INPP4B: variants seen among roughly 807,000 people sequenced by gnomAD.
The protein encoded by INPP4B is inositol polyphosphate-4-phosphatase type II B, also known as inositol polyphosphate 4-phosphatase type II.
INPP4B carries 55 observed loss-of-function variants against 122.5 expected under a neutral mutation model. The observed-to-expected ratio is 0.45, with a 90% CI of 0.36 to 0.56. The LOEUF (loss-of-function observed/expected upper bound fraction) is 0.56, where lower values mean the gene tolerates loss of function less well. Ranked by LOEUF, INPP4B falls within the 20% of genes least tolerant of loss-of-function variation. The pLI is 0.00. For missense variants in INPP4B, 1,000 were observed against 1,097.7 expected, an observed-to-expected ratio of 0.91 and a Z score of 1.26; for synonymous variants, 403 against 388.7, an observed-to-expected ratio of 1.04 and a Z score of -0.43.
At chr4:142,648,543 A>G (rs762853528) in intron 2 of INPP4B, among the ~76,000 whole-genome samples, 1 of 152,222 alleles carries the variant, frequency 6.6e-6, no homozygotes, top group Non-Finnish European at 1.5e-5. Context: ...AGTGGGTCCC[A>G]CACCCACGAA....
At chr4:142,045,411 C>G (rs1410697856) in intron 25 of INPP4B, among the ~76,000 whole-genome samples, 2 of 152,196 alleles carry the variant, frequency 1.3e-5, no homozygotes, top group South Asian at 2.1e-4. Flanking sequence ...ATCCAACATA[C>G]TATTTCTGAT....
chr4:142,756,630 T>C (rs889644469), intron 1 of INPP4B, among the ~76,000 whole-genome samples: 9 of 151,956 alleles, frequency 5.9e-5, no homozygotes, highest in Middle Eastern at 3.4e-3. Flanking sequence ...GTATTAGGCA[T>C]ACTAATAGAT....
intron 2 of INPP4B, among the ~76,000 whole-genome samples, chr4:142,678,906 T>C (rs938307769): frequency 6.6e-6 from 1 of 151,928 alleles, no homozygotes; most frequent in African/African-American, 2.4e-5. Flanking sequence ...CTTTCCAAGA[T>C]ACATTAATTT....
intron 2 of INPP4B, among the ~76,000 whole-genome samples, chr4:142,646,205 A>T (rs576899267): frequency 1.3e-5 from 2 of 152,206 alleles, no homozygotes; most frequent in African/African-American, 4.8e-5. Context: ...TGTAAATTAT[A>T]TCTCAATGAA....
At chr4:142,029,062 C>G (rs1486357571) in intron 25 of INPP4B, 148 bp from the exon 26 acceptor site, 1 of 1,401,490 alleles carries the variant, frequency 7.1e-7, no homozygotes, top group Non-Finnish European at 9.2e-7. Context: ...GATGATACAT[C>G]TTACAAAATT....
intron 2 of INPP4B, among the ~76,000 whole-genome samples, chr4:142,477,869 T>C (rs1486648261): frequency 6.6e-6 from 1 of 152,148 alleles, no homozygotes; most frequent in Non-Finnish European, 1.5e-5. Context: ...CTGATACCAT[T>C]TGTAGTGAAA....
Position 142,493,155 on chromosome 4 carries a change from G to A in INPP4B, c.-190-30429C>T, listed in dbSNP as rs536791303. 1.0e-3 allele frequency among the ~76,000 whole-genome samples: 158 copies of A among 152,310 alleles called. 2 individuals carry two copies. The highest frequency in any genetic ancestry group is 3.6e-3 in the African/African-American group (149 of 41,574). On this transcript the variant is annotated intron_variant, in intron 2 of 25. Transcript: ENST00000262992. ...ACAGAAGTCAAGAATTGAGATTTGGGAACCTCTACCTAGATTTCAGAGGGT... is the reference window on the plus strand; with the variant it reads ...ACAGAAGTCAAGAATTGAGATTTGGAAACCTCTACCTAGATTTCAGAGGGT...
chr4:142,829,490 A>G (rs1262006028), intron 1 of INPP4B, among the ~76,000 whole-genome samples: 1 of 152,106 alleles, frequency 6.6e-6, no homozygotes, highest in Non-Finnish European at 1.5e-5. Flanking sequence ...TCTTAATTCC[A>G]GTGACTTCTC....
intron 1 of INPP4B, among the ~76,000 whole-genome samples, chr4:142,734,803 G>C (rs1296227182): frequency 1.3e-5 from 2 of 152,002 alleles, no homozygotes; most frequent in African/African-American, 4.8e-5. Flanking sequence ...GCGCCAGCAC[G>C]CCCAGCTAAT....
chr4:142,144,818 T>C (rs1809802659), intron 18 of INPP4B, among the ~76,000 whole-genome samples: 3 of 152,104 alleles, frequency 2.0e-5, no homozygotes, highest in Admixed American at 2.0e-4. Context: ...TTTTATATAA[T>C]TAAACTCCTG....
chr4:142,327,741 C>T (rs527896523), intron 7 of INPP4B, among the ~76,000 whole-genome samples: 4 of 152,286 alleles, frequency 2.6e-5, no homozygotes, highest in African/African-American at 9.6e-5. Context: ...TCTCTTTCAC[C>T]GCTCTACCTA....
intron 18 of INPP4B, among the ~76,000 whole-genome samples, chr4:142,135,664 T>C (rs1386726967): frequency 1.3e-5 from 2 of 152,142 alleles, no homozygotes; most frequent in Non-Finnish European, 2.9e-5. Flanking sequence ...ACAACGTAAA[T>C]GACAGAATCC....
chr4:142,468,618 T>C (rs773435978), intron 2 of INPP4B, among the ~76,000 whole-genome samples: 42 of 152,078 alleles, frequency 2.8e-4, no homozygotes, highest in Admixed American at 7.2e-4. Context: ...AAGAGCTGAT[T>C]CTTAAAAAGA....
chr4:142,197,977 C>A (rs751008489), intron 14 of INPP4B, among the ~76,000 whole-genome samples: 14 of 152,072 alleles, frequency 9.2e-5, no homozygotes, highest in Non-Finnish European at 1.9e-4. Flanking sequence ...CCATTAGCTG[C>A]AGCAACAATG....
chr4:142,302,941 C>T (rs369421040), intron 9 of INPP4B, among the ~76,000 whole-genome samples: 10 of 152,126 alleles, frequency 6.6e-5, no homozygotes, highest in East Asian at 1.9e-4. Context: ...ATAGTAAATT[C>T]GCATTTAACT....
chr4:142,450,984 C>CG (rs1554056785), intron 3 of INPP4B, among the ~76,000 whole-genome samples: 1 of 150,810 alleles, frequency 6.6e-6, no homozygotes, highest in Non-Finnish European at 1.5e-5. Flanking sequence ...CTCCCCCCCC[C>CG]AAAAAAAGTA....
At chr4:142,784,786 C>T (rs1364579852) in intron 1 of INPP4B, among the ~76,000 whole-genome samples, 3 of 152,012 alleles carry the variant, frequency 2.0e-5, no homozygotes, top group East Asian at 1.9e-4. Flanking sequence ...TTTTACAATG[C>T]ATCCATAGCA....
At chr4:142,555,007 G>A (rs1254349729) in intron 2 of INPP4B, among the ~76,000 whole-genome samples, 1 of 152,140 alleles carries the variant, frequency 6.6e-6, no homozygotes, top group Non-Finnish European at 1.5e-5. Flanking sequence ...TAAGGGCCTG[G>A]GGGATGGCAA....
At chr4:142,476,950 C>T (rs184512278) in intron 2 of INPP4B, among the ~76,000 whole-genome samples, 2 of 152,218 alleles carry the variant, frequency 1.3e-5, no homozygotes, top group African/African-American at 4.8e-5. Context: ...TGACATTTGA[C>T]CAAATGGGGC....
Sources: gnomAD v4.1 joint callset for allele counts (sites outside exome capture counted in the v4.1 genomes callset) on GRCh38, gnomAD v4.1.1 for gene constraint, MANE v1.5 for transcripts, NCBI Gene and HGNC (gene_info 2026-07-23, HGNC 2026-07-21) for gene names.